PTPRD: variants seen among roughly 807,000 people sequenced by gnomAD.
PTPRD encodes protein tyrosine phosphatase receptor type D.
Under a neutral mutation model 214.5 loss-of-function variants are expected in PTPRD, and 34 were observed. The ratio of observed to expected loss-of-function variants is 0.16; its 90% CI spans 0.12 to 0.21. The LOEUF (loss-of-function observed/expected upper bound fraction) is 0.21. PTPRD is among the 10% of genes least tolerant of loss of function. The pLI, the probability that PTPRD is intolerant of heterozygous loss-of-function variation, is 1.00. For synonymous variants in PTPRD, 1,128 were observed against 845.7 expected (o/e 1.33, Z -5.79); for missense variants, 2,545 against 2,398.7 (o/e 1.06, Z -1.27).
rs1258742322 is a variant in PTPRD, at chr9:8,552,378, T to A, written c.353-23599A>T. ...TCAGAACGGACCAGCGTGAGAGAGT[T>A]TTTGACAGAGTATGACATGTGTTTT... On this transcript the variant is annotated intron_variant, in intron 14 of 45. Transcript: ENST00000381196. Among the ~76,000 whole-genome samples the A allele has an allele frequency of 2.0e-5, 3 of 152,242 alleles. No individual in the cohort carries two copies. The East Asian group carries it at 5.8e-4, about 29-fold the overall frequency.
At chr9:10,128,133 G>T (rs1285344561) in intron 3 of PTPRD, among the ~76,000 whole-genome samples, 2 of 151,952 alleles carry the variant, frequency 1.3e-5, no homozygotes, top group East Asian at 3.9e-4. Flanking sequence ...CCAATGTTCT[G>T]TATCACTTCC....
chr9:9,945,630 A>T (rs577333149), intron 4 of PTPRD, among the ~76,000 whole-genome samples: 78 of 152,294 alleles, frequency 5.1e-4, no homozygotes, highest in African/African-American at 1.7e-3. Flanking sequence ...GACCATGACA[A>T]GATGTGCTCT....
intron 10 of PTPRD, among the ~76,000 whole-genome samples, chr9:9,027,242 G>C (rs1286235142): frequency 1.3e-5 from 2 of 151,664 alleles, no homozygotes; most frequent in African/African-American, 4.8e-5. Flanking sequence ...CCCCCACAAG[G>C]CTCTCTGCCT....
At chr9:8,459,032 C>G (rs978718969) in intron 33 of PTPRD, among the ~76,000 whole-genome samples, 1 of 151,934 alleles carries the variant, frequency 6.6e-6, no homozygotes, top group Non-Finnish European at 1.5e-5. Context: ...GAAATGGAGC[C>G]TTTTAAAAAC....
chr9:9,724,049 C>T (rs138625995), intron 7 of PTPRD, among the ~76,000 whole-genome samples: 93 of 152,108 alleles, frequency 6.1e-4, no homozygotes, highest in Middle Eastern at 3.4e-3. Context: ...GAAGTGGCCA[C>T]CACTTATCAC....
At chr9:9,517,215 C>G (rs529290871) in intron 8 of PTPRD, among the ~76,000 whole-genome samples, 3 of 152,050 alleles carry the variant, frequency 2.0e-5, no homozygotes, top group African/African-American at 7.2e-5. Flanking sequence ...TAAGGAGACT[C>G]TCTGTGTATC....
chr9:9,611,241 T>A (rs1274897530), intron 7 of PTPRD, among the ~76,000 whole-genome samples: 2 of 152,200 alleles, frequency 1.3e-5, no homozygotes, highest in African/African-American at 4.8e-5. Flanking sequence ...GATTATTTAA[T>A]GATGACATAT....
intron 3 of PTPRD, among the ~76,000 whole-genome samples, chr9:10,245,643 T>G (rs2091951548): frequency 6.6e-6 from 1 of 152,172 alleles, no homozygotes; most frequent in Admixed American, 6.6e-5. Context: ...GATGTATGAA[T>G]AAATTAATGA....
At chr9:9,732,650 T>C (rs1359780827) in intron 7 of PTPRD, among the ~76,000 whole-genome samples, 3 of 152,192 alleles carry the variant, frequency 2.0e-5, no homozygotes, top group African/African-American at 4.8e-5. Flanking sequence ...AAATTTGTGC[T>C]ACCTAAAATA....
Position 10,052,700 on chromosome 9 carries a change from A to G in PTPRD, c.-544-18910T>C, listed in dbSNP as rs1354039362. On this transcript the variant is annotated intron_variant, in intron 3 of 45. Coordinates refer to ENST00000381196, the MANE Select transcript of PTPRD (RefSeq NM_002839.4). ...AGGCTCAAACATGAGTTTCTCATTC[A>G]AAGTCTATGCTTTTCCTCCTGAAAC... 2.6e-5 allele frequency among the ~76,000 whole-genome samples: 4 copies of G among 152,164 alleles called. No homozygotes were observed. The East Asian group carries it at 7.7e-4, about 29-fold the overall frequency.
At chr9:10,065,686 A>G (rs2097864822) in intron 3 of PTPRD, among the ~76,000 whole-genome samples, 1 of 151,976 alleles carries the variant, frequency 6.6e-6, no homozygotes, top group Non-Finnish European at 1.5e-5. Flanking sequence ...AAGAGCTGGA[A>G]GGTTCAGATA....
At chr9:10,100,609 CTT>C (rs1195457129) in intron 3 of PTPRD, among the ~76,000 whole-genome samples, 2 of 151,574 alleles carry the variant, frequency 1.3e-5, no homozygotes, top group Non-Finnish European at 3.0e-5. Flanking sequence ...CTGTAAGACT[CTT>C]TTTGTTATTA....
At chr9:10,550,378 T>A (rs925489334) in intron 2 of PTPRD, among the ~76,000 whole-genome samples, 2 of 152,118 alleles carry the variant, frequency 1.3e-5, no homozygotes, top group African/African-American at 2.4e-5. Flanking sequence ...TTAAGCAGAG[T>A]CTGACATGAT....
intron 3 of PTPRD, among the ~76,000 whole-genome samples, chr9:10,230,428 G>GTATCTATGTATCTATGTATCTATC (rs2099604911): frequency 7.8e-6 from 1 of 128,264 alleles, no homozygotes. Flanking sequence ...ATGTATCTAT[G>GTATCTATGTATCTATGTATCTATC]TATCTATGTA....
intron 7 of PTPRD, among the ~76,000 whole-genome samples, chr9:9,719,873 C>T (rs940459039): frequency 3.9e-5 from 6 of 152,214 alleles, no homozygotes; most frequent in Admixed American, 3.3e-4. Context: ...CAGTCTCAGT[C>T]TCTCATGGTG....
intron 2 of PTPRD, among the ~76,000 whole-genome samples, chr9:10,415,217 G>T (rs1017744710): frequency 6.6e-6 from 1 of 151,138 alleles, no homozygotes; most frequent in African/African-American, 2.4e-5. Flanking sequence ...TGCTGTAAAG[G>T]GTAATTGAGA....
chr9:9,583,391 C>G (rs552003947), intron 7 of PTPRD, among the ~76,000 whole-genome samples: 1 of 152,010 alleles, frequency 6.6e-6, no homozygotes, highest in African/African-American at 2.4e-5. Flanking sequence ...ATGTTTGATG[C>G]TGTATTGAAA....
intron 7 of PTPRD, among the ~76,000 whole-genome samples, chr9:9,577,565 AAAAT>A (rs1362449523): frequency 1.3e-5 from 2 of 152,124 alleles, no homozygotes; most frequent in East Asian, 3.9e-4. Context: ...CTTGTCTCAA[AAAAT>A]AAATAAATAA....
chr9:10,066,624 T>A (rs978807969), intron 3 of PTPRD, among the ~76,000 whole-genome samples: 1 of 151,898 alleles, frequency 6.6e-6, no homozygotes, highest in African/African-American at 2.4e-5. Context: ...CTCCATGACA[T>A]TGGCATGCAC....
Sources: allele counts gnomAD v4.1 joint callset (sites outside exome capture counted in the v4.1 genomes callset), GRCh38; gene constraint gnomAD v4.1.1; transcripts MANE v1.5; gene names NCBI Gene and HGNC (gene_info 2026-07-23, HGNC 2026-07-21).